Variants in RC3H2 observed in about 807,000 individuals in gnomAD.
The protein encoded by RC3H2 is ring finger and CCCH-type domains 2, also known as roquin-2.
In RC3H2, 31 loss-of-function variants were observed where a neutral mutation model predicts 133.3. The ratio of observed to expected loss-of-function variants is 0.23; its 90% CI spans 0.17 to 0.31. The LOEUF (loss-of-function observed/expected upper bound fraction) is 0.31, where lower values mean the gene tolerates loss of function less well. Ranked by LOEUF, RC3H2 falls within the 10% of genes least tolerant of loss-of-function variation. RC3H2 has a pLI of 1.00. For synonymous variants in RC3H2, 517 were observed against 502.2 expected, an observed-to-expected ratio of 1.03 and a Z score of -0.40; for missense variants, 1,175 against 1,437.2, an observed-to-expected ratio of 0.82 and a Z score of 2.95.
At chr9:122,866,663 T>C (rs905439075) in intron 9 of RC3H2, among the ~76,000 whole-genome samples, 1 of 152,130 alleles carries the variant, frequency 6.6e-6, no homozygotes, top group Non-Finnish European at 1.5e-5. Flanking sequence ...AGCCTCGGCC[T>C]CCGGAGGTGC....
intron 18 of RC3H2, 178 bp from the exon 19 acceptor site, chr9:122,851,614 AGCCTGCAGAGT>A (rs1830022118): frequency 1.2e-6 from 1 of 804,498 alleles, no homozygotes; most frequent in African/African-American, 1.7e-5. Flanking sequence ...CTCCTGCCTC[AGCCTGCAGAGT>A]GCCTGCAATT....
At chr9:122,892,407 C>T (rs1157474844) in intron 3 of RC3H2, among the ~76,000 whole-genome samples, 1 of 151,876 alleles carries the variant, frequency 6.6e-6, no homozygotes, top group Non-Finnish European at 1.5e-5. Context: ...AGCCACCACA[C>T]CCAGCTTGAA....
At chr9:122,883,666 G>A (rs1383405248) in intron 4 of RC3H2, among the ~76,000 whole-genome samples, 1 of 152,136 alleles carries the variant, frequency 6.6e-6, no homozygotes, top group Admixed American at 6.6e-5. Context: ...TGATGATAAT[G>A]TTAAGGTAAA....
chr9:122,849,879 G>T, intron 20 of RC3H2, 57 bp from the exon 21 acceptor site: 1 of 1,230,144 alleles, frequency 8.1e-7, no homozygotes, highest in Non-Finnish European at 1.1e-6. Flanking sequence ...AACTGTTAAG[G>T]GTGACTATAC....
At chr9:122,874,169 AAAG>A (rs758326135) in intron 9 of RC3H2, 4 of 152,232 alleles carry the variant, frequency 2.6e-5, no homozygotes, top group Non-Finnish European at 5.9e-5. Flanking sequence ...AGACAAGTGA[AAAG>A]AAGAGTAAAA....
chr9:122,858,163 G>T, intron 12 of RC3H2, 70 bp from the exon 13 acceptor site: 2 of 1,397,518 alleles, frequency 1.4e-6, no homozygotes, highest in Non-Finnish European at 2.0e-6. Flanking sequence ...GTGTGAAAAT[G>T]ATGTAAACAG....
rs966623483 is a variant in RC3H2 at position 122,905,301 on chromosome 9, C to T, written c.-259G>A. The T allele has an allele frequency of 2.0e-6, 2 of 985,468 alleles. No homozygotes were observed. The highest frequency in any genetic ancestry group is 2.4e-6 in the Non-Finnish European group (2 of 829,756). The allele number at this position is 985,468 out of a possible 1,614,324, so 61.0% of individuals were successfully genotyped here. ...GCCGCGACGGGGCCTCCTCCTCCTC[C>T]CTCCACCTCCGCCTCCTCCTCCTCC... On this transcript the variant is annotated 5_prime_UTR_variant, in exon 1 of 21. Transcript: ENST00000357244.
Position 122,868,889 on chromosome 9 carries a change from G to A in RC3H2, c.1326-3232C>T, listed in dbSNP as rs1171499365. On this transcript the variant is annotated intron_variant, in intron 9 of 20. Coordinates refer to ENST00000357244, the MANE Select transcript of RC3H2 (RefSeq NM_001100588.3). ...TGTGTGTGTGTGTGTGTGTGTGTGT[G>A]TATGTGTTTTTTTTTTTTTTTTTTG... Among the ~76,000 whole-genome samples, 74 of 11,046 alleles carry A rather than the reference G, an allele frequency of 6.7e-3. 2 individuals are homozygous for A. Among genetic ancestry groups the A allele is most frequent in the Non-Finnish European group, 0.014 (55 of 3,978 alleles). 7.2% of individuals were successfully genotyped at this position (11,046 alleles called of 152,430 possible).
chr9:122,892,718 G>A lies in RC3H2; in HGVS notation c.349+191C>T, dbSNP rs1832238361. Among the ~76,000 whole-genome samples, 2 of 151,922 alleles carry A rather than the reference G, an allele frequency of 1.3e-5. 1 individual carries two copies. The highest frequency in any genetic ancestry group is 4.2e-4 in the South Asian group (2 of 4,808). ...GAGCCACCGCGCCCGGCTCTAGCTTGAATTCTTAATAACAATATTGGTTAT... is the reference window on the plus strand; with the variant it reads ...GAGCCACCGCGCCCGGCTCTAGCTTAAATTCTTAATAACAATATTGGTTAT... On this transcript the variant is annotated intron_variant, in intron 3 of 20. Transcript: ENST00000357244.
chr9:122,866,308 C>G (rs1830651583), intron 9 of RC3H2, among the ~76,000 whole-genome samples: 1 of 151,544 alleles, frequency 6.6e-6, no homozygotes, highest in Non-Finnish European at 1.5e-5. Context: ...TACTCTAATA[C>G]ACAAAAGGAC....
chr9:122,863,290 A>G (rs1373323521), intron 10 of RC3H2, among the ~76,000 whole-genome samples: 1 of 152,202 alleles, frequency 6.6e-6, no homozygotes, highest in Admixed American at 6.5e-5. Flanking sequence ...ATGGATATAA[A>G]ACAGTTTTAC....
Position 122,858,941 on chromosome 9 carries a change from GAGA to G in RC3H2, c.2008_2010del (p.Ser670del), listed in dbSNP as rs764732757. The G allele has an allele frequency of 1.9e-5, 31 of 1,614,112 alleles. No homozygotes were observed. The highest frequency in any genetic ancestry group is 1.6e-4 in the African/African-American group (12 of 74,942). ...GGCTGCGGAGGAGGAGGCTGGTAAG[GAGA>G]AGAATTCATTCGATCTCGAGGGGAA... is the stretch of plus-strand genomic sequence containing the variant. On this transcript the variant is annotated inframe_deletion, in exon 12 of 21. Transcript: ENST00000357244.
intron 1 of RC3H2, 143 bp from the exon 2 acceptor site, chr9:122,897,719 C>G (rs767541795): frequency 5.3e-5 from 31 of 583,512 alleles, no homozygotes; most frequent in Non-Finnish European, 7.8e-5. Flanking sequence ...TTTAAAAAAC[C>G]TATTTGCTGA....
chr9:122,886,667 G>C (rs1831927223), intron 4 of RC3H2, among the ~76,000 whole-genome samples: 1 of 152,202 alleles, frequency 6.6e-6, no homozygotes, highest in African/African-American at 2.4e-5. Flanking sequence ...TCCAACCTGA[G>C]CAATGGAGCA....
chr9:122,905,072 C>A lies in RC3H2; in HGVS notation c.-68+38G>T, dbSNP rs914878480. 625 of 985,030 alleles carry A rather than the reference C, an allele frequency of 6.3e-4. 1 individual carries two copies. The highest frequency in any genetic ancestry group is 6.7e-4 in the Non-Finnish European group (555 of 829,586). 61.0% of individuals were successfully genotyped at this position (985,030 alleles called of 1,614,324 possible). On this transcript the variant is annotated intron_variant, in intron 1 of 20. Coordinates refer to ENST00000357244, the MANE Select transcript of RC3H2 (RefSeq NM_001100588.3). ...GACCGCCGGGGACCAGGCACCCGGGCTGGGGCCCGAGCCGCATCGTGCCCG... is the reference window on the plus strand; with the variant it reads ...GACCGCCGGGGACCAGGCACCCGGGATGGGGCCCGAGCCGCATCGTGCCCG...
rs932680346 is a variant in RC3H2, at chr9:122,853,972, T to C, written c.3097A>G (p.Ile1033Val). 6.2e-7 allele frequency: 1 copy of C among 1,614,220 alleles called. No individual in the cohort carries two copies. Among genetic ancestry groups the C allele is most frequent in the Non-Finnish European group, 8.5e-7 (1 of 1,180,036 alleles). ...HLTLNLLSKE[I>V]ELRNGELQSD... is the part of the protein sequence containing the mutation. ...TTTACCTCTCCATTTCTTAGTTCAA[T>C]TTCCTTGCTTAAAAGGTTTAAGGTA... Residue 1033 changes from isoleucine to valine, a missense_variant, in exon 18 of 21, where the codon ATT becomes GTT. Physicochemically the swap from Ile to Val is conservative, Grantham distance 29 (BLOSUM62 3). Around this residue, in one of 8 missense-constraint regions of RC3H2, gnomAD observed 220 missense variants for 201.1 expected, o/e 1.09. Transcript: ENST00000357244.
At position 122,865,460 on chromosome 9, in the gene RC3H2, G is replaced by A; in HGVS notation, c.1523C>T (p.Ser508Leu). The A allele has an allele frequency of 1.2e-6, 2 of 1,614,170 alleles. No individual in the cohort carries two copies. Among genetic ancestry groups the A allele is most frequent in the Non-Finnish European group, 1.7e-6 (2 of 1,180,024 alleles). ...TCTTAAGGTACTGTCAGTACTACGT[G>A]AGATTAGCTGGGAAACACTGTTTTC... The part of the protein sequence containing the change: ...NAENSVSQLI[S>L]RSTDSTLRAL... The change falls in exon 10 of 21, where the codon TCA becomes TTA. Residue 508 changes from serine (S) to leucine (L), a missense_variant. By Grantham distance (145) the Ser-to-Leu change is moderately radical. Coordinates refer to ENST00000357244, the MANE Select transcript of RC3H2 (RefSeq NM_001100588.3).
intron 9 of RC3H2, among the ~76,000 whole-genome samples, chr9:122,875,658 G>T (rs963119342): frequency 6.6e-6 from 1 of 152,198 alleles, no homozygotes; most frequent in Admixed American, 6.5e-5. Flanking sequence ...AGTGTCAGGG[G>T]AATTACCCTG....
At chr9:122,851,621 A>G (rs556765537) in intron 18 of RC3H2, 185 bp from the exon 19 acceptor site, 14 of 770,446 alleles carry the variant, frequency 1.8e-5, no homozygotes, top group East Asian at 5.8e-5. Context: ...CTCAGCCTGC[A>G]GAGTGCCTGC....
Sources: allele counts gnomAD v4.1 joint callset (sites outside exome capture counted in the v4.1 genomes callset), GRCh38; gene constraint gnomAD v4.1.1; regional missense constraint gnomAD v4.1.1; transcripts MANE v1.5; gene names NCBI Gene and HGNC (gene_info 2026-07-23, HGNC 2026-07-21).